Variants in BRINP3 observed in about 807,000 individuals in gnomAD.
BRINP3 encodes BMP/retinoic acid-inducible neural-specific protein 3.
In BRINP3, 19 loss-of-function variants were observed where a neutral mutation model predicts 71.0. That is an observed-to-expected ratio of 0.27 (90% CI 0.19 to 0.39). BRINP3 has a LOEUF of 0.39. BRINP3 is among the 10% of genes least tolerant of loss of function. The pLI, the probability that BRINP3 is intolerant of heterozygous loss-of-function variation, is 1.00. For synonymous variants in BRINP3, 380 were observed against 337.7 expected (o/e 1.13, Z -1.37); for missense variants, 959 against 940.8 (o/e 1.02, Z -0.25).
At chr1:190,277,938 G>A (rs972390049) in intron 3 of BRINP3, among the ~76,000 whole-genome samples, 1 of 151,492 alleles carries the variant, frequency 6.6e-6, no homozygotes, top group Non-Finnish European at 1.5e-5. Flanking sequence ...AATAAATGGG[G>A]AAAATAATAT....
intron 2 of BRINP3, among the ~76,000 whole-genome samples, chr1:190,282,940 A>C (rs2102941239): frequency 6.6e-6 from 1 of 152,094 alleles, no homozygotes; most frequent in African/African-American, 2.4e-5. Context: ...AATATGTGAA[A>C]AAATAATAAT....
rs1479961904 is a variant in BRINP3, at chr1:190,412,511, G to GGC, written c.236+42143_236+42144insGC. 1.7e-3 allele frequency among the ~76,000 whole-genome samples: 238 copies of GGC among 138,194 alleles called. 3 individuals are homozygous for GGC. Among genetic ancestry groups the GGC allele is most frequent in the African/African-American group, 6.1e-3 (224 of 36,798 alleles). The allele number at this position is 138,194 out of a possible 152,430, so 90.7% of individuals were successfully genotyped here. ...GGAGTCTCGCTCTGTCGCCCAGGCT[G>GGC]GAGTGCAGTGGTGGGATCTCGGCTC... On this transcript the variant is annotated intron_variant, in intron 2 of 7. Transcript: ENST00000367462.
chr1:190,304,738 CA>C (rs1664976849), intron 2 of BRINP3, among the ~76,000 whole-genome samples: 1 of 151,694 alleles, frequency 6.6e-6, no homozygotes, highest in Admixed American at 6.6e-5. Flanking sequence ...AAAGCACAGA[CA>C]ATAAAGGCAA....
At position 190,277,086 on chromosome 1, in the gene BRINP3, T is replaced by TA. The variant is rs1245665041; in HGVS notation, c.427+4473_427+4474insT. Among the ~76,000 whole-genome samples, 587 of 99,064 alleles carry TA rather than the reference T, an allele frequency of 5.9e-3. 10 individuals carry two copies. Among genetic ancestry groups the TA allele is most frequent in the African/African-American group, 0.018 (507 of 28,178 alleles). The allele number at this position is 99,064 out of a possible 152,430, so 65.0% of individuals were successfully genotyped here. A position where few individuals can be genotyped will look rare whatever the true frequency, so the allele number is the denominator to read the frequency against. ...ATTTGATCCTGAAATAAATTTTGGT[T>TA]TTATATATATATATATATATATATA... On this transcript the variant is annotated intron_variant, in intron 3 of 7. Transcript: ENST00000367462.
chr1:190,250,329 T>A (rs1278328313), intron 4 of BRINP3, among the ~76,000 whole-genome samples: 5 of 152,002 alleles, frequency 3.3e-5, no homozygotes, highest in Non-Finnish European at 7.4e-5. Context: ...GCAAAAAGTG[T>A]TCAAATTTAA....
At chr1:190,213,274 G>A (rs917067814) in intron 6 of BRINP3, among the ~76,000 whole-genome samples, 4 of 151,982 alleles carry the variant, frequency 2.6e-5, no homozygotes, top group Admixed American at 1.3e-4. Flanking sequence ...TGGCTGCACC[G>A]TGAGCCCCCA....
At chr1:190,254,072 G>A (rs1261349561) in intron 4 of BRINP3, among the ~76,000 whole-genome samples, 2 of 152,042 alleles carry the variant, frequency 1.3e-5, no homozygotes, top group African/African-American at 4.8e-5. Flanking sequence ...GGATCAGATG[G>A]TTTTAGATGT....
chr1:190,278,779 A>G (rs1207568588), intron 3 of BRINP3, among the ~76,000 whole-genome samples: 1 of 151,608 alleles, frequency 6.6e-6, no homozygotes, highest in Non-Finnish European at 1.5e-5. Context: ...CTGAAGTAAA[A>G]TCATTTAGAG....
chr1:190,401,040 C>T (rs1425677227), intron 2 of BRINP3, among the ~76,000 whole-genome samples: 1 of 152,032 alleles, frequency 6.6e-6, no homozygotes, highest in Non-Finnish European at 1.5e-5. Flanking sequence ...TTGAAGAAAG[C>T]CTAGCTGAGG....
chr1:190,398,209 G>C (rs1406320709), intron 2 of BRINP3, among the ~76,000 whole-genome samples: 1 of 151,878 alleles, frequency 6.6e-6, no homozygotes, highest in Non-Finnish European at 1.5e-5. Flanking sequence ...CATGTTTCTT[G>C]AGTAAAAAGG....
At chr1:190,309,016 T>C (rs1463745772) in intron 2 of BRINP3, among the ~76,000 whole-genome samples, 1 of 151,888 alleles carries the variant, frequency 6.6e-6, no homozygotes, top group African/African-American at 2.4e-5. Flanking sequence ...CAGCATAATT[T>C]ACAATATCTC....
chr1:190,135,901 C>A (rs1041261167), intron 7 of BRINP3, among the ~76,000 whole-genome samples: 1 of 151,758 alleles, frequency 6.6e-6, no homozygotes, highest in Non-Finnish European at 1.5e-5. Flanking sequence ...ATCTCTATAC[C>A]AAGACACAAA....
chr1:190,435,276 T>A (rs1674382017), intron 2 of BRINP3, among the ~76,000 whole-genome samples: 1 of 152,136 alleles, frequency 6.6e-6, no homozygotes, highest in African/African-American at 2.4e-5. Flanking sequence ...ATGTGTGGAA[T>A]AAGATTGAGC....
At chr1:190,310,485 T>C (rs906825349) in intron 2 of BRINP3, among the ~76,000 whole-genome samples, 1 of 151,752 alleles carries the variant, frequency 6.6e-6, no homozygotes, top group Non-Finnish European at 1.5e-5. Flanking sequence ...GCATTCTGAA[T>C]TGACCAAAAT....
At chr1:190,281,091 T>C (rs1663001654) in intron 3 of BRINP3, among the ~76,000 whole-genome samples, 1 of 151,954 alleles carries the variant, frequency 6.6e-6, no homozygotes, top group Non-Finnish European at 1.5e-5. Flanking sequence ...TGCATCATAA[T>C]TATTTGTTTA....
chr1:190,338,062 C>A (rs779040452), intron 2 of BRINP3, among the ~76,000 whole-genome samples: 10 of 152,048 alleles, frequency 6.6e-5, no homozygotes, highest in Admixed American at 2.6e-4. Context: ...ACATCCCTCC[C>A]TATTGCAATG....
At chr1:190,432,395 A>C (rs1428150677) in intron 2 of BRINP3, among the ~76,000 whole-genome samples, 1 of 152,062 alleles carries the variant, frequency 6.6e-6, no homozygotes, top group East Asian at 1.9e-4. Context: ...AAAATTTTCC[A>C]CTCACCCTTG....
rs547822925 is a variant in BRINP3 at position 190,177,214 on chromosome 1, G to T, written c.962-16324C>A. On this transcript the variant is annotated intron_variant, in intron 6 of 7. Transcript: ENST00000367462. ...GTCTCACTCTGTCACCCAGGCTGGAGTGCAGTGGCGCGGTCTCCACTCACT... is the reference window on the plus strand; with the variant it reads ...GTCTCACTCTGTCACCCAGGCTGGATTGCAGTGGCGCGGTCTCCACTCACT... Among the ~76,000 whole-genome samples, 10 of 134,554 alleles carry T rather than the reference G, an allele frequency of 7.4e-5. No homozygotes were observed. In the South Asian group the frequency reaches 2.5e-3, roughly 34 times the overall value. The allele number at this position is 134,554 out of a possible 152,430, so 88.3% of individuals were successfully genotyped here. A position where few individuals can be genotyped will look rare whatever the true frequency, so the allele number is the denominator to read the frequency against.
chr1:190,127,383 A>G (rs1654173113), intron 7 of BRINP3, among the ~76,000 whole-genome samples: 1 of 151,926 alleles, frequency 6.6e-6, no homozygotes, highest in Admixed American at 6.6e-5. Flanking sequence ...ATAAAATACA[A>G]CATATTGGCC....
Sources: allele counts gnomAD v4.1 joint callset (sites outside exome capture counted in the v4.1 genomes callset), GRCh38; gene constraint gnomAD v4.1.1; transcripts MANE v1.5; gene names NCBI Gene and HGNC (gene_info 2026-07-23, HGNC 2026-07-21).